FBXO10: variants seen among roughly 807,000 people sequenced by gnomAD.
The protein encoded by FBXO10 is F-box only protein 10.
In FBXO10, 39 loss-of-function variants were observed where a neutral mutation model predicts 80.7. The ratio of observed to expected loss-of-function variants is 0.48; its 90% CI spans 0.37 to 0.63. FBXO10 has a LOEUF of 0.63. Among genes scored for constraint, FBXO10 ranks in the 30% least tolerant of loss-of-function variants. FBXO10 has a pLI of 0.00. For missense variants in FBXO10, 1,025 were observed against 1,269.0 expected, an observed-to-expected ratio of 0.81 and a Z score of 2.92; for synonymous variants, 449 against 489.6, an observed-to-expected ratio of 0.92 and a Z score of 1.09.
At chr9:37,569,697 T>G (rs1035598709) in intron 1 of FBXO10, among the ~76,000 whole-genome samples, 1 of 152,218 alleles carries the variant, frequency 6.6e-6, no homozygotes, top group Non-Finnish European at 1.5e-5. Context: ...TCGAGCACAG[T>G]GGCTCACACC....
At chr9:37,548,610 C>T (rs1279001428) in intron 1 of FBXO10, among the ~76,000 whole-genome samples, 3 of 151,892 alleles carry the variant, frequency 2.0e-5, no homozygotes, top group Non-Finnish European at 2.9e-5. Flanking sequence ...TCTTTTCTCC[C>T]TCCTTCCCTC....
At chr9:37,557,312 C>A (rs879768681) in intron 1 of FBXO10, among the ~76,000 whole-genome samples, 3 of 152,222 alleles carry the variant, frequency 2.0e-5, no homozygotes, top group Non-Finnish European at 4.4e-5. Context: ...CATATCCTTG[C>A]ACTCTACATC....
intron 1 of FBXO10, among the ~76,000 whole-genome samples, chr9:37,565,031 T>C (rs549974309): frequency 1.9e-4 from 29 of 152,296 alleles, no homozygotes; most frequent in Non-Finnish European, 1.9e-4. Context: ...GGAGGGACCA[T>C]GTAGAGGTAA....
chr9:37,546,575 G>A (rs1422848015), intron 1 of FBXO10, among the ~76,000 whole-genome samples: 3 of 152,082 alleles, frequency 2.0e-5, no homozygotes, highest in Non-Finnish European at 2.9e-5. Context: ...TTAATAAATC[G>A]GTATTAAGAC....
chr9:37,512,195 C>T lies in FBXO10; in HGVS notation c.*352G>A. On this transcript the variant is annotated 3_prime_UTR_variant, in exon 11 of 11. Coordinates refer to ENST00000432825, the MANE Select transcript of FBXO10 (RefSeq NM_012166.3). Reference sequence around the variant, plus strand: ...TCCCGCCATCAGAAGTAAATCTGCTCTTTCCTGAGAAGAGTCTGGGTTTGG... The same window carrying T: ...TCCCGCCATCAGAAGTAAATCTGCTTTTTCCTGAGAAGAGTCTGGGTTTGG... The T allele has an allele frequency of 5.8e-6, 1 of 173,566 alleles. No homozygotes were observed. Among genetic ancestry groups the T allele is most frequent in the Non-Finnish European group, 1.2e-5 (1 of 82,466 alleles). The allele number at this position is 173,566 out of a possible 1,614,324, so 10.8% of individuals were successfully genotyped here. A position where few individuals can be genotyped will look rare whatever the true frequency, so the allele number is the denominator to read the frequency against.
intron 1 of FBXO10, among the ~76,000 whole-genome samples, chr9:37,566,300 A>C (rs559540399): frequency 2.6e-5 from 4 of 152,260 alleles, no homozygotes; most frequent in African/African-American, 7.2e-5. Context: ...TTTCTAATAA[A>C]AAAGTAAGAT....
chr9:37,515,783 G>A, intron 10 of FBXO10, 121 bp downstream of exon 10: 1 of 1,049,622 alleles, frequency 9.5e-7, no homozygotes, highest in Non-Finnish European at 1.4e-6. Context: ...TCTGACTGGA[G>A]TCGACAGCTG....
chr9:37,541,794 C>T lies in FBXO10; in HGVS notation c.-6-20G>A, dbSNP rs766496247. The T allele has an allele frequency of 6.5e-7, 1 of 1,537,182 alleles. No homozygotes were observed. On this transcript the variant is annotated intron_variant, in intron 1 of 10. Coordinates refer to ENST00000432825, the MANE Select transcript of FBXO10 (RefSeq NM_012166.3). ...GGTCACCTAGGAGACAGACACAAAACAAAAGAGATTTCTGTCTATCCTACT... is the reference window on the plus strand; with the variant it reads ...GGTCACCTAGGAGACAGACACAAAATAAAAGAGATTTCTGTCTATCCTACT...
At chr9:37,551,680 T>C (rs1365652573) in intron 1 of FBXO10, among the ~76,000 whole-genome samples, 2 of 138,208 alleles carry the variant, frequency 1.4e-5, no homozygotes, top group African/African-American at 5.6e-5. Context: ...AGCACTAGCA[T>C]TGAAGTGACG....
intron 4 of FBXO10, among the ~76,000 whole-genome samples, chr9:37,531,439 G>A (rs988034794): frequency 6.6e-6 from 1 of 152,130 alleles, no homozygotes; most frequent in African/African-American, 2.4e-5. Flanking sequence ...GTTTTCACAC[G>A]GGTAGAAAAT....
intron 1 of FBXO10, among the ~76,000 whole-genome samples, chr9:37,566,039 G>C (rs1822596265): frequency 6.6e-6 from 1 of 152,120 alleles, no homozygotes; most frequent in African/African-American, 2.4e-5. Context: ...AAGGTAAACA[G>C]TTTCTAGTTA....
intron 3 of FBXO10, among the ~76,000 whole-genome samples, 182 bp downstream of exon 3, chr9:37,536,928 C>T (rs1564341939): frequency 6.6e-6 from 1 of 152,132 alleles, no homozygotes. Flanking sequence ...CTCTCTGGGC[C>T]TCTCTTTCTG....
chr9:37,556,309 C>T (rs1352036434), intron 1 of FBXO10, among the ~76,000 whole-genome samples: 1 of 151,902 alleles, frequency 6.6e-6, no homozygotes, highest in Non-Finnish European at 1.5e-5. Flanking sequence ...AGATTTTTTC[C>T]TGTGTTTTTT....
intron 8 of FBXO10, among the ~76,000 whole-genome samples, chr9:37,519,827 T>A (rs1808072456): frequency 6.6e-6 from 1 of 151,908 alleles, no homozygotes; most frequent in African/African-American, 2.4e-5. Flanking sequence ...TTAATTTTAT[T>A]TTGTTTTAGA....
Position 37,529,158 on chromosome 9 carries a change from T to C in FBXO10, c.1672A>G (p.Ile558Val), listed in dbSNP as rs747336248. Residue 558 changes from isoleucine (I) to valine (V), a missense_variant, in exon 5 of 11, where the codon ATT (isoleucine) becomes GTT (valine). Coordinates refer to ENST00000432825, the MANE Select transcript of FBXO10 (RefSeq NM_012166.3). ...GGGTTTCCGTGGTACAGGATGTAAA[T>C]GCCAGCCTCCTTATTGGAAAAGATT... ...NQIFSNKEAG[I>V]YILYHGNPVV... 5.0e-6 allele frequency: 8 copies of C among 1,613,988 alleles called. No homozygotes were observed. The South Asian group carries it at 8.8e-5, about 18-fold the overall frequency.
At chr9:37,527,804 T>A (rs1317314623) in intron 5 of FBXO10, among the ~76,000 whole-genome samples, 1 of 152,148 alleles carries the variant, frequency 6.6e-6, no homozygotes, top group African/African-American at 2.4e-5. Flanking sequence ...CACATACAAA[T>A]ACACACTCTT....
In FBXO10 at chr9:37,541,613, G is replaced by A. The variant is rs1821921419; in HGVS notation, c.156C>T (p.Cys52=). ...STRWRQLCLG[C]TECRHPNWPN... is the part of the protein sequence containing the mutation. Reference sequence around the variant, plus strand: ...GCCAATTGGGATGGCGGCACTCGGTGCAACCCAGACACAGCTGCCGCCAGC... The same window carrying A: ...GCCAATTGGGATGGCGGCACTCGGTACAACCCAGACACAGCTGCCGCCAGC... Residue 52 remains cysteine, a synonymous_variant, in exon 2 of 11, where the codon TGC becomes TGT. Coordinates refer to ENST00000432825, the MANE Select transcript of FBXO10 (RefSeq NM_012166.3). 1 of 1,613,804 alleles carries A rather than the reference G, an allele frequency of 6.2e-7. No individual in the cohort carries two copies. Among genetic ancestry groups the A allele is most frequent in the African/African-American group, 1.3e-5 (1 of 75,054 alleles).
At chr9:37,536,365 TC>T (rs754496346) in intron 3 of FBXO10, among the ~76,000 whole-genome samples, 23 of 152,264 alleles carry the variant, frequency 1.5e-4, no homozygotes, top group Non-Finnish European at 2.4e-4. Context: ...GGGCTGTCTT[TC>T]CCTTCAGAAG....
rs777439446 is a variant in FBXO10, at chr9:37,521,710, G to A, written c.2059C>T (p.Arg687Ter). The A allele has an allele frequency of 6.2e-6, 10 of 1,613,826 alleles. No individual in the cohort carries two copies. The highest frequency in any genetic ancestry group is 2.2e-5 in the East Asian group (1 of 44,886). Residue 687 changes from arginine to a stop codon, truncating the protein, a stop_gained, in exon 8 of 11, where the codon CGA becomes TGA. Transcript: ENST00000432825. LOFTEE classifies it high-confidence loss of function. The stretch of plus-strand genomic sequence containing the variant: ...AAGTTCTCTTGAGCCCTGTGGCCTC[G>A]AGGTAACTCGCTGGAGCCATCCTTC... ...SQKDGSSELP[R>*]GHRAQENFSE...
Sources: allele counts gnomAD v4.1 joint callset (sites outside exome capture counted in the v4.1 genomes callset), GRCh38; gene constraint gnomAD v4.1.1; transcripts MANE v1.5; gene names NCBI Gene and HGNC (gene_info 2026-07-23, HGNC 2026-07-21).